Variants in LCORL observed in about 807,000 individuals in gnomAD.
The protein encoded by LCORL is ligand-dependent nuclear receptor corepressor-like protein.
A neutral mutation model predicts 141.8 loss-of-function variants in LCORL; 41 were observed. The ratio of observed to expected loss-of-function variants is 0.29; its 90% CI spans 0.23 to 0.38. The LOEUF (loss-of-function observed/expected upper bound fraction) is 0.38, where lower values mean the gene tolerates loss of function less well. Ranked by LOEUF, LCORL falls within the 10% of genes least tolerant of loss-of-function variation. LCORL has a pLI of 1.00. For synonymous variants in LCORL, 618 were observed against 694.1 expected, an observed-to-expected ratio of 0.89 and a Z score of 1.72; for missense variants, 1,759 against 2,035.0, an observed-to-expected ratio of 0.86 and a Z score of 2.61.
exon 8 of LCORL, chr4:17,842,251 G>A: frequency 6.9e-7 from 1 of 1,456,526 alleles, no homozygotes; most frequent in Non-Finnish European, 9.6e-7. Flanking sequence ...CTAGAAACTA[G>A]ATTAAAAACA....
chr4:17,985,429 C>CTATGAA (rs753212178), intron 1 of LCORL, among the ~76,000 whole-genome samples: 13 of 152,224 alleles, frequency 8.5e-5, no homozygotes, highest in Middle Eastern at 3.4e-3. Context: ...TAAGAACTTG[C>CTATGAA]TTTATGAATC....
chr4:17,999,979 C>T (rs1424197227), intron 1 of LCORL, among the ~76,000 whole-genome samples: 1 of 152,090 alleles, frequency 6.6e-6, no homozygotes, highest in Non-Finnish European at 1.5e-5. Context: ...AATGAGTGTA[C>T]AAAAGGGATA....
In LCORL at chr4:17,851,015, A is replaced by C. The variant is rs1723609944; in HGVS notation, c.5603-5114T>G. On this transcript the variant is annotated intron_variant, in intron 7 of 7. Coordinates refer to ENST00000635767, the Ensembl canonical transcript of LCORL. The stretch of plus-strand genomic sequence containing the variant: ...AAATTGGAAATCATCATTCTCAGTA[A>C]ACTATCGCAAGAACAAAAAACCAAA... Among the ~76,000 whole-genome samples the C allele has an allele frequency of 1.3e-5, 2 of 148,778 alleles. 1 individual carries two copies. The highest frequency in any genetic ancestry group is 5.0e-5 in the African/African-American group (2 of 40,350).
At chr4:17,872,985 A>G (rs1240048564) in intron 7 of LCORL, among the ~76,000 whole-genome samples, 1 of 152,096 alleles carries the variant, frequency 6.6e-6, no homozygotes, top group African/African-American at 2.4e-5. Context: ...TGATTTCTCA[A>G]TTGAGTAAAT....
Position 18,021,570 on chromosome 4 carries a change from C to G in LCORL, c.154+28G>C. 2 of 1,508,264 alleles carry G rather than the reference C, an allele frequency of 1.3e-6. No individual in the cohort carries two copies. Among genetic ancestry groups the G allele is most frequent in the Non-Finnish European group, 1.8e-6 (2 of 1,129,540 alleles). 93.4% of individuals were successfully genotyped at this position (1,508,264 alleles called of 1,614,324 possible). ...TGCGACAGCGGTCGCCGCGCGGAGC[C>G]CGGGGCCCCGGCCCGCGTCTCTCTT... is the stretch of plus-strand genomic sequence containing the variant. On this transcript the variant is annotated intron_variant, in intron 1 of 7. Transcript: ENST00000635767. This position sits in a 1 kb window ranked among gnomAD's most constrained non-coding sequence, Gnocchi z 5.5.
chr4:17,844,225 T>G (rs566698697), exon 8 of LCORL: 1 of 152,412 alleles, frequency 6.6e-6, no homozygotes, highest in African/African-American at 2.4e-5. Flanking sequence ...CACTATTCAC[T>G]GTCAATTTCA....
chr4:17,998,986 ATAT>A (rs1356692614), intron 1 of LCORL, among the ~76,000 whole-genome samples: 3 of 49,730 alleles, frequency 6.0e-5, no homozygotes, highest in African/African-American at 1.4e-4. Flanking sequence ...AAAAAAAAAA[ATAT>A]ATATATATAT....
intron 1 of LCORL, among the ~76,000 whole-genome samples, chr4:18,013,296 GTTA>G (rs1271614145): frequency 1.3e-5 from 2 of 152,164 alleles, no homozygotes; most frequent in East Asian, 3.8e-4. Flanking sequence ...TCACCTACTA[GTTA>G]TACTATCTAA....
intron 1 of LCORL, among the ~76,000 whole-genome samples, chr4:17,998,985 A>AAAAAAAAAAAAAAAATATAT (rs1374815646): frequency 1.7e-5 from 1 of 57,892 alleles, no homozygotes. Flanking sequence ...AAAAAAAAAA[A>AAAAAAAAAAAAAAAATATAT]ATATATATAT....
chr4:17,955,296 T>A (rs547430781), intron 4 of LCORL, among the ~76,000 whole-genome samples: 3 of 152,120 alleles, frequency 2.0e-5, no homozygotes, highest in Non-Finnish European at 4.4e-5. Flanking sequence ...TAGGACAAGA[T>A]GGAATTACCA....
chr4:17,894,263 C>T (rs979988645), intron 5 of LCORL, among the ~76,000 whole-genome samples: 2 of 152,156 alleles, frequency 1.3e-5, no homozygotes, highest in African/African-American at 4.8e-5. Context: ...AAGTTGATGA[C>T]CATCTGCACT....
chr4:18,000,875 C>T (rs998094622), intron 1 of LCORL, among the ~76,000 whole-genome samples: 58 of 152,142 alleles, frequency 3.8e-4, no homozygotes, highest in African/African-American at 1.4e-3. Flanking sequence ...GGTGTAAGAT[C>T]ATGATCTGAT....
chr4:17,887,521 T>C (rs1317035698), intron 5 of LCORL, among the ~76,000 whole-genome samples: 1 of 152,124 alleles, frequency 6.6e-6, no homozygotes, highest in African/African-American at 2.4e-5. Context: ...ACAGTCTGTA[T>C]AGGGGCTGTG....
exon 8 of LCORL, chr4:17,843,281 G>T (rs199720084): frequency 1.9e-6 from 3 of 1,597,526 alleles, no homozygotes; most frequent in Non-Finnish European, 2.6e-6. Flanking sequence ...CTAAATTCGT[G>T]TATTTTCAAC....
intron 1 of LCORL, among the ~76,000 whole-genome samples, chr4:18,017,822 A>T (rs186200758): frequency 2.0e-5 from 3 of 152,282 alleles, no homozygotes; most frequent in Admixed American, 2.0e-4. Context: ...GTAACAGTGT[A>T]TCAGCATTAA....
chr4:17,915,381 GA>G (rs1211364786), intron 4 of LCORL, among the ~76,000 whole-genome samples: 1 of 152,142 alleles, frequency 6.6e-6, no homozygotes, highest in Non-Finnish European at 1.5e-5. Context: ...TCAGGTTACT[GA>G]CCCCAGAGAA....
chr4:17,851,216 C>CATGTATACAT (rs1289443611), intron 7 of LCORL, among the ~76,000 whole-genome samples: 2 of 151,202 alleles, frequency 1.3e-5, no homozygotes, highest in African/African-American at 2.4e-5. Context: ...CAGCATGGCA[C>CATGTATACAT]ATGTATACAT....
intron 7 of LCORL, among the ~76,000 whole-genome samples, chr4:17,853,210 A>G (rs1723977559): frequency 6.6e-6 from 1 of 151,984 alleles, no homozygotes; most frequent in African/African-American, 2.4e-5. Flanking sequence ...TAACTCTTGG[A>G]TTGTTCTAAT....
chr4:17,988,484 GTTTC>G (rs1260682283), intron 1 of LCORL, among the ~76,000 whole-genome samples: 6 of 152,024 alleles, frequency 3.9e-5, no homozygotes, highest in Non-Finnish European at 7.4e-5. Flanking sequence ...TGTTTTGCAT[GTTTC>G]TTTGACTTTC....
Sources: gnomAD v4.1 joint callset for allele counts (sites outside exome capture counted in the v4.1 genomes callset) on GRCh38, gnomAD v4.1.1 for gene constraint, Gnocchi (gnomAD v3.1) non-coding constraint, MANE v1.5 for transcripts, NCBI Gene and HGNC (gene_info 2026-07-23, HGNC 2026-07-21) for gene names.